SGPP2: variants seen among roughly 807,000 people sequenced by gnomAD.
SGPP2 encodes sphingosine-1-phosphate phosphatase 2, also known as sphingosine 1-phosphate phosphohydrolase 2.
In SGPP2, 30 loss-of-function variants were observed where a neutral mutation model predicts 33.9. The ratio of observed to expected loss-of-function variants is 0.89; its 90% CI spans 0.66 to 1.20. The LOEUF is 1.20. SGPP2 is among the 50% of genes most tolerant of loss of function. The probability of loss-of-function intolerance (pLI) is 0.00; values close to 1 mark genes in which losing one functional copy is unlikely to be tolerated. For synonymous variants in SGPP2, 233 were observed against 225.0 expected (o/e 1.04, Z -0.32); for missense variants, 458 against 532.1 (o/e 0.86, Z 1.37).
intron 1 of SGPP2, among the ~76,000 whole-genome samples, chr2:222,428,485 TG>T (rs1313255680): frequency 6.6e-6 from 1 of 152,250 alleles, no homozygotes; most frequent in Non-Finnish European, 1.5e-5. Context: ...CTAATATCCC[TG>T]TGTCCAGTAC....
At chr2:222,494,321 G>A (rs548106567) in intron 2 of SGPP2, among the ~76,000 whole-genome samples, 5 of 152,344 alleles carry the variant, frequency 3.3e-5, no homozygotes, top group East Asian at 1.9e-4. Flanking sequence ...TTGTAATTTC[G>A]TCTTTTGACA....
chr2:222,539,479 C>T (rs1341646342), intron 4 of SGPP2, among the ~76,000 whole-genome samples: 1 of 152,176 alleles, frequency 6.6e-6, no homozygotes, highest in Admixed American at 6.5e-5. Flanking sequence ...TTGCTATACT[C>T]AGTGTCCGGC....
At chr2:222,543,285 A>G (rs970266895) in intron 4 of SGPP2, among the ~76,000 whole-genome samples, 10 of 152,206 alleles carry the variant, frequency 6.6e-5, no homozygotes, top group African/African-American at 2.4e-4. Flanking sequence ...ACTCAGCACC[A>G]TTTATTGAAA....
intron 2 of SGPP2, among the ~76,000 whole-genome samples, chr2:222,487,666 A>G (rs1260681111): frequency 6.6e-6 from 1 of 152,266 alleles, no homozygotes; most frequent in South Asian, 2.1e-4. Flanking sequence ...ATGGGGTTTT[A>G]TTAGGGGCTT....
intron 1 of SGPP2, among the ~76,000 whole-genome samples, chr2:222,442,513 G>A (rs1559144647): frequency 6.6e-6 from 1 of 152,024 alleles, no homozygotes; most frequent in African/African-American, 2.4e-5. Context: ...GATGTTTTTC[G>A]TAAGTACAGA....
intron 1 of SGPP2, among the ~76,000 whole-genome samples, chr2:222,431,244 G>A (rs1020944830): frequency 6.6e-6 from 1 of 151,716 alleles, no homozygotes; most frequent in Non-Finnish European, 1.5e-5. Flanking sequence ...GAGGTCAGGA[G>A]TTGTAATCGC....
chr2:222,469,770 A>G (rs1363881002), intron 1 of SGPP2, among the ~76,000 whole-genome samples: 2 of 152,238 alleles, frequency 1.3e-5, no homozygotes, highest in Non-Finnish European at 2.9e-5. Flanking sequence ...GATTTACTAC[A>G]AAGGAAACTC....
intron 2 of SGPP2, among the ~76,000 whole-genome samples, chr2:222,486,708 G>T: frequency 6.6e-6 from 1 of 152,164 alleles, no homozygotes; most frequent in East Asian, 1.9e-4. Flanking sequence ...CATGTGAGAA[G>T]GCCAGCCGAG....
chr2:222,452,224 C>T (rs1025993565), intron 1 of SGPP2, among the ~76,000 whole-genome samples: 27 of 152,116 alleles, frequency 1.8e-4, no homozygotes, highest in African/African-American at 6.3e-4. Flanking sequence ...AAAGAAACCT[C>T]TCTGATTAGG....
At chr2:222,545,071 C>T (rs775407338) in intron 4 of SGPP2, among the ~76,000 whole-genome samples, 9 of 151,934 alleles carry the variant, frequency 5.9e-5, no homozygotes, top group Non-Finnish European at 1.3e-4. Flanking sequence ...ATTTTTTGAG[C>T]TCTATTATTA....
At chr2:222,462,077 T>C (rs1270055787) in intron 1 of SGPP2, among the ~76,000 whole-genome samples, 2 of 152,134 alleles carry the variant, frequency 1.3e-5, no homozygotes, top group African/African-American at 4.8e-5. Flanking sequence ...TGAGCTGTGG[T>C]CCTTGAGAGG....
intron 4 of SGPP2, among the ~76,000 whole-genome samples, chr2:222,556,444 G>A (rs1273405230): frequency 2.0e-5 from 2 of 98,130 alleles, no homozygotes; most frequent in Admixed American, 1.1e-4. Context: ...CCCCAACCCC[G>A]GCTCCGTCCA....
At chr2:222,468,282 A>G (rs1158359294) in intron 1 of SGPP2, among the ~76,000 whole-genome samples, 1 of 152,034 alleles carries the variant, frequency 6.6e-6, no homozygotes, top group Non-Finnish European at 1.5e-5. Context: ...CTTCATTTTC[A>G]GCCAATTAGT....
intron 1 of SGPP2, chr2:222,453,261 C>G (rs757075315): frequency 6.1e-5 from 46 of 758,636 alleles, no homozygotes; most frequent in Non-Finnish European, 1.0e-4. Flanking sequence ...GCTTTGAAGC[C>G]AGGCAGGTTT....
intron 2 of SGPP2, among the ~76,000 whole-genome samples, chr2:222,520,104 A>G (rs1199628430): frequency 6.6e-6 from 1 of 152,246 alleles, no homozygotes; most frequent in Non-Finnish European, 1.5e-5. Flanking sequence ...TGCTTTCCAC[A>G]GTGACTGAAC....
In SGPP2 at chr2:222,550,758, A is replaced by G. The variant is rs1357911274; in HGVS notation, c.649-7589A>G. On this transcript the variant is annotated intron_variant, in intron 4 of 4. Transcript: ENST00000321276. This position sits in a 1 kb window ranked among gnomAD's most constrained non-coding sequence, Gnocchi z 4.5. ...TTTCTTATTATGATGTATGTTCCAT[A>G]CTTTCTGCATTTTTGCTTGTTTCTG... Among the ~76,000 whole-genome samples, 1 of 152,156 alleles carries G rather than the reference A, an allele frequency of 6.6e-6. No individual in the cohort carries two copies. The highest frequency in any genetic ancestry group is 1.5e-5 in the Non-Finnish European group (1 of 68,012).
At chr2:222,462,285 T>C (rs1466024244) in intron 1 of SGPP2, among the ~76,000 whole-genome samples, 1 of 152,090 alleles carries the variant, frequency 6.6e-6, no homozygotes, top group Non-Finnish European at 1.5e-5. Flanking sequence ...GGGGTCTCCA[T>C]GCACCCCAGC....
chr2:222,457,089 G>A (rs1305536866), intron 1 of SGPP2, among the ~76,000 whole-genome samples: 2 of 152,046 alleles, frequency 1.3e-5, no homozygotes, highest in Non-Finnish European at 2.9e-5. Flanking sequence ...TAGAGGATTT[G>A]CTTTTCCATC....
At chr2:222,479,185 G>A (rs1697992237) in intron 2 of SGPP2, among the ~76,000 whole-genome samples, 1 of 152,156 alleles carries the variant, frequency 6.6e-6, no homozygotes, top group African/African-American at 2.4e-5. Context: ...TTGTCTACCA[G>A]GGGAAGCTGC....
Sources: gnomAD v4.1 joint callset for allele counts (sites outside exome capture counted in the v4.1 genomes callset) on GRCh38, gnomAD v4.1.1 for gene constraint, Gnocchi (gnomAD v3.1) non-coding constraint, MANE v1.5 for transcripts, NCBI Gene and HGNC (gene_info 2026-07-23, HGNC 2026-07-21) for gene names.